The following CLYBL variants were observed in gnomAD, a reference collection of about 807,000 sequenced individuals.
The protein encoded by CLYBL is citramalyl-CoA lyase, also known as citramalyl-CoA lyase, mitochondrial.
In CLYBL, 31 loss-of-function variants were observed where a neutral mutation model predicts 38.9. That is an observed-to-expected ratio of 0.80 (90% confidence interval 0.60 to 1.08). The LOEUF (loss-of-function observed/expected upper bound fraction) is 1.08. Among genes scored for constraint, CLYBL ranks in the 50% least tolerant of loss-of-function variants. The pLI, the probability that CLYBL is intolerant of heterozygous loss-of-function variation, is 0.00. For missense variants in CLYBL, 434 were observed against 411.6 expected (o/e 1.05, Z -0.47); for synonymous variants, 171 against 158.6 (o/e 1.08, Z -0.59).
At chr13:99,819,422 ATATATATATATATATATATATAT>A (rs2050532059) in intron 2 of CLYBL, among the ~76,000 whole-genome samples, 2 of 10,712 alleles carry the variant, frequency 1.9e-4, no homozygotes, top group Non-Finnish European at 3.0e-4. Flanking sequence ...AAATTTATAT[ATATATATATATATATATATATAT>A]ATATATATAT....
At chr13:99,851,844 A>G (rs1339643236) in intron 2 of CLYBL, among the ~76,000 whole-genome samples, 2 of 152,194 alleles carry the variant, frequency 1.3e-5, no homozygotes, top group African/African-American at 4.8e-5. Flanking sequence ...TCTCTTAAGT[A>G]TATGCCCAAG....
intron 1 of CLYBL, among the ~76,000 whole-genome samples, chr13:99,716,787 C>CTTTTTTT (rs1260332084): frequency 2.9e-4 from 29 of 100,918 alleles, no homozygotes; most frequent in African/African-American, 3.8e-4. Flanking sequence ...CTTTTCTTTT[C>CTTTTTTT]TTTTTTTTTT....
downstream of CLYBL, among the ~76,000 whole-genome samples, chr13:99,901,912 G>A (rs1327613599): frequency 6.6e-6 from 1 of 151,984 alleles, no homozygotes; most frequent in African/African-American, 2.4e-5. Flanking sequence ...CACCCACCTT[G>A]GCCTCCCAAA....
At chr13:99,642,691 T>C (rs1169296373) in intron 1 of CLYBL, among the ~76,000 whole-genome samples, 1 of 152,162 alleles carries the variant, frequency 6.6e-6, no homozygotes, top group African/African-American at 2.4e-5. Flanking sequence ...GTGCTGGGGT[T>C]ACAGGCATGA....
At chr13:99,608,623 C>G (rs186430146) in intron 1 of CLYBL, among the ~76,000 whole-genome samples, 1 of 152,234 alleles carries the variant, frequency 6.6e-6, no homozygotes, top group African/African-American at 2.4e-5. Context: ...AGTGAGCGCA[C>G]ACAGTCCCCA....
intron 1 of CLYBL, among the ~76,000 whole-genome samples, chr13:99,634,364 G>T (rs965734026): frequency 6.6e-6 from 1 of 152,106 alleles, no homozygotes; most frequent in African/African-American, 2.4e-5. Flanking sequence ...ATTTCTTTAG[G>T]CTTAAGGGAA....
At chr13:99,726,353 G>A (rs959485809) in intron 1 of CLYBL, 1 of 152,148 alleles carries the variant, frequency 6.6e-6, no homozygotes, top group Non-Finnish European at 1.5e-5. Context: ...TGTAAATAGC[G>A]GAAACACCTA....
At position 99,849,570 on chromosome 13, in the gene CLYBL, C is replaced by T. The variant is rs898017027; in HGVS notation, c.250-9291C>T. 5.3e-5 allele frequency among the ~76,000 whole-genome samples: 8 copies of T among 152,198 alleles called. No individual in the cohort carries two copies. The highest frequency in any genetic ancestry group is 1.4e-4 in the African/African-American group (6 of 41,446). Reference sequence around the variant, plus strand: ...GCCACACTACTGAATCATAAAACATCGGCAGTGCCCGCCCACCAAGGGCAT... The same window carrying T: ...GCCACACTACTGAATCATAAAACATTGGCAGTGCCCGCCCACCAAGGGCAT... On this transcript the variant is annotated intron_variant, in intron 2 of 8. Transcript: ENST00000339105. The surrounding 1 kb of genome is among the most constrained non-coding windows in gnomAD (Gnocchi z 4.9).
chr13:99,772,296 CCTAT>C (rs1321746487), intron 1 of CLYBL, among the ~76,000 whole-genome samples: 2 of 152,172 alleles, frequency 1.3e-5, no homozygotes, highest in African/African-American at 4.8e-5. Flanking sequence ...AGTAAACAGT[CCTAT>C]CTATTTTTTA....
intron 1 of CLYBL, among the ~76,000 whole-genome samples, chr13:99,716,169 ATTTTTTTTTTTTTTTTTTTTTTTTT>A (rs4001024): frequency 3.0e-5 from 1 of 33,434 alleles, no homozygotes; most frequent in South Asian, 1.0e-3. Flanking sequence ...TATTGGTGTA[ATTTTTTTTTTTTTTTTTTTTTTTTT>A]TTTTTTTTTT....
chr13:99,763,047 C>T (rs1018508929), intron 1 of CLYBL, among the ~76,000 whole-genome samples: 2 of 152,136 alleles, frequency 1.3e-5, no homozygotes, highest in African/African-American at 4.8e-5. Flanking sequence ...TGAATTAGTT[C>T]ATCAGTTCTA....
At chr13:99,801,860 T>C (rs2050142329) in intron 2 of CLYBL, among the ~76,000 whole-genome samples, 1 of 151,766 alleles carries the variant, frequency 6.6e-6, no homozygotes, top group South Asian at 2.1e-4. Flanking sequence ...CTACTAAAAA[T>C]ACAAAATTAG....
At chr13:99,867,570 A>G (rs567131101) in intron 6 of CLYBL, among the ~76,000 whole-genome samples, 3 of 152,286 alleles carry the variant, frequency 2.0e-5, no homozygotes, top group Non-Finnish European at 2.9e-5. Flanking sequence ...AACTATTAAT[A>G]AACGAATTCT....
intron 1 of CLYBL, among the ~76,000 whole-genome samples, chr13:99,738,339 G>A (rs11620246): frequency 0.18 from 27,634 of 152,084 alleles, 2,660 homozygotes; most frequent in Admixed American, 0.23. Flanking sequence ...CTGTCATCTC[G>A]AGTAAGCTGT....
chr13:99,617,573 G>A (rs948106999), intron 1 of CLYBL, among the ~76,000 whole-genome samples: 3 of 152,194 alleles, frequency 2.0e-5, no homozygotes, highest in African/African-American at 7.2e-5. Flanking sequence ...ACTGGAGGGC[G>A]CTCCGCTCTA....
chr13:99,637,085 G>T (rs1389012576), intron 1 of CLYBL, among the ~76,000 whole-genome samples: 1 of 152,148 alleles, frequency 6.6e-6, no homozygotes, highest in Non-Finnish European at 1.5e-5. Context: ...TCGCCATGTT[G>T]GCCAGGCTGG....
At chr13:99,678,499 T>A (rs2139388519) in intron 1 of CLYBL, among the ~76,000 whole-genome samples, 1 of 152,334 alleles carries the variant, frequency 6.6e-6, no homozygotes, top group Admixed American at 6.5e-5. Flanking sequence ...TAGAAAAGTG[T>A]AATTAATGGG....
chr13:99,802,534 T>C (rs1261915351), intron 2 of CLYBL, among the ~76,000 whole-genome samples: 3 of 152,148 alleles, frequency 2.0e-5, no homozygotes, highest in Middle Eastern at 3.2e-3. Flanking sequence ...AATGCTTCAC[T>C]CATTCACAGA....
At chr13:99,665,014 A>G (rs1174939046) in intron 1 of CLYBL, among the ~76,000 whole-genome samples, 1 of 152,074 alleles carries the variant, frequency 6.6e-6, no homozygotes, top group African/African-American at 2.4e-5. Flanking sequence ...AATGTTTTTC[A>G]ATTAAAAAGT....
Sources: gnomAD v4.1 joint callset for allele counts (sites outside exome capture counted in the v4.1 genomes callset) on GRCh38, gnomAD v4.1.1 for gene constraint, Gnocchi (gnomAD v3.1) non-coding constraint, MANE v1.5 for transcripts, NCBI Gene and HGNC (gene_info 2026-07-23, HGNC 2026-07-21) for gene names.